The following ARHGAP10 variants were observed in gnomAD, a reference collection of about 807,000 sequenced individuals.
The protein encoded by ARHGAP10 is rho GTPase-activating protein 10.
ARHGAP10 carries 87 observed loss-of-function variants against 108.6 expected under a neutral mutation model. The ratio of observed to expected loss-of-function variants is 0.80; its 90% CI spans 0.67 to 0.96. The LOEUF (loss-of-function observed/expected upper bound fraction) is 0.96. Among genes scored for constraint, ARHGAP10 ranks in the 40% least tolerant of loss-of-function variants. The pLI, the probability that ARHGAP10 is intolerant of heterozygous loss-of-function variation, is 0.00. For missense variants in ARHGAP10, 939 were observed against 954.5 expected, an observed-to-expected ratio of 0.98 and a Z score of 0.21; for synonymous variants, 347 against 341.1, an observed-to-expected ratio of 1.02 and a Z score of -0.19.
chr4:147,870,798 A>C (rs945841308), intron 7 of ARHGAP10, among the ~76,000 whole-genome samples: 1 of 152,210 alleles, frequency 6.6e-6, no homozygotes, highest in African/African-American at 2.4e-5. Context: ...AAGGAAATAC[A>C]GTGTGCAAAA....
chr4:147,909,804 G>T (rs762923118), intron 12 of ARHGAP10, 27 bp downstream of exon 12: 3 of 1,589,368 alleles, frequency 1.9e-6, no homozygotes, highest in Non-Finnish European at 2.6e-6. Flanking sequence ...AAAAATGATT[G>T]TATCCTCCTT....
intron 1 of ARHGAP10, among the ~76,000 whole-genome samples, chr4:147,816,270 C>T (rs1579077464): frequency 6.6e-6 from 1 of 151,960 alleles, no homozygotes; most frequent in East Asian, 1.9e-4. Flanking sequence ...CTCTCCAGTC[C>T]CCACATCACT....
At position 148,069,338 on chromosome 4, in the gene ARHGAP10, C is replaced by T. The variant is rs531286413; in HGVS notation, c.2273-2655C>T. On this transcript the variant is annotated intron_variant, in intron 22 of 22. Coordinates refer to ENST00000336498, the MANE Select transcript of ARHGAP10 (RefSeq NM_024605.4). ...TGGATGTTACAGGATCCCCCTTGGTCGCCTCTGTAAAGCAGTGACATCTCT... is the reference window on the plus strand; with the variant it reads ...TGGATGTTACAGGATCCCCCTTGGTTGCCTCTGTAAAGCAGTGACATCTCT... Among the ~76,000 whole-genome samples, 101 of 152,208 alleles carry T rather than the reference C, an allele frequency of 6.6e-4. 2 individuals are homozygous for T. The highest frequency in any genetic ancestry group is 6.8e-3 in the Middle Eastern group (2 of 294).
chr4:148,043,077 G>C (rs938300771), intron 19 of ARHGAP10, among the ~76,000 whole-genome samples: 1 of 152,114 alleles, frequency 6.6e-6, no homozygotes, highest in African/African-American at 2.4e-5. Context: ...AGGGAAATGG[G>C]CACCTAAAAC....
chr4:147,936,098 G>T (rs1737921583), intron 13 of ARHGAP10, among the ~76,000 whole-genome samples: 2 of 152,100 alleles, frequency 1.3e-5, no homozygotes, highest in South Asian at 4.1e-4. Flanking sequence ...TACCACTGAG[G>T]TCAAACTTTT....
intron 1 of ARHGAP10, among the ~76,000 whole-genome samples, chr4:147,801,694 T>C (rs1163802644): frequency 3.9e-5 from 6 of 152,184 alleles, no homozygotes; most frequent in Non-Finnish European, 8.8e-5. Flanking sequence ...ATAATGAAGG[T>C]TGGTGGCACC....
chr4:148,058,542 T>C (rs1729464307), intron 20 of ARHGAP10, among the ~76,000 whole-genome samples: 1 of 152,194 alleles, frequency 6.6e-6, no homozygotes, highest in African/African-American at 2.4e-5. Flanking sequence ...AGGAGTTCTC[T>C]GGTGATTGGT....
chr4:147,961,688 T>C (rs1739004062), intron 16 of ARHGAP10, among the ~76,000 whole-genome samples: 1 of 152,132 alleles, frequency 6.6e-6, no homozygotes. Context: ...CAGCTTCCTC[T>C]TTGTTTAACC....
At chr4:147,931,314 A>G (rs575139077) in intron 13 of ARHGAP10, among the ~76,000 whole-genome samples, 34 of 786 alleles carry the variant, frequency 0.043, no homozygotes, top group Non-Finnish European at 0.12. Context: ...ATTAAGAGAG[A>G]AAAAAAAAAA....
intron 20 of ARHGAP10, among the ~76,000 whole-genome samples, chr4:148,049,635 C>T (rs576318145): frequency 3.3e-5 from 5 of 152,094 alleles, no homozygotes; most frequent in East Asian, 1.9e-4. Flanking sequence ...ATTCCTTGTC[C>T]GTATTTCTGC....
chr4:147,791,371 C>G (rs377192088), intron 1 of ARHGAP10, among the ~76,000 whole-genome samples: 1 of 151,968 alleles, frequency 6.6e-6, no homozygotes, highest in African/African-American at 2.4e-5. Flanking sequence ...CTCAGCCTCC[C>G]GAAGTGCTGA....
chr4:147,983,091 A>G (rs1216555674), intron 18 of ARHGAP10, among the ~76,000 whole-genome samples: 1 of 151,672 alleles, frequency 6.6e-6, no homozygotes. Context: ...CATGTTGCCT[A>G]GCCTGGTCTT....
At chr4:147,931,313 GAAA>G (rs5862824) in intron 13 of ARHGAP10, among the ~76,000 whole-genome samples, 3 of 145,834 alleles carry the variant, frequency 2.1e-5, no homozygotes, top group East Asian at 4.0e-4. Flanking sequence ...TATTAAGAGA[GAAA>G]AAAAAAAAAA....
intron 14 of ARHGAP10, among the ~76,000 whole-genome samples, chr4:147,942,770 G>A (rs1355397766): frequency 1.3e-5 from 2 of 152,332 alleles, no homozygotes; most frequent in African/African-American, 2.4e-5. Flanking sequence ...TCCTCCATCC[G>A]GTGATGAGAG....
intron 19 of ARHGAP10, among the ~76,000 whole-genome samples, chr4:148,042,874 G>T (rs1413032785): frequency 1.3e-5 from 2 of 152,152 alleles, no homozygotes; most frequent in East Asian, 3.9e-4. Flanking sequence ...ACTGTGTGCA[G>T]GTTTTGTAAG....
chr4:148,050,563 C>T lies in ARHGAP10; in HGVS notation c.2027+3512C>T, dbSNP rs150058302. On this transcript the variant is annotated intron_variant, in intron 20 of 22. Coordinates refer to ENST00000336498, the MANE Select transcript of ARHGAP10 (RefSeq NM_024605.4). The stretch of plus-strand genomic sequence containing the variant: ...TAATTTTTTGTGTTTTTAGTAGAGA[C>T]GGGGTTTCACTGCGTTAGCCAGGAT... 4.1e-3 allele frequency among the ~76,000 whole-genome samples: 626 copies of T among 151,636 alleles called. 7 individuals are homozygous for T. In the East Asian group the frequency reaches 0.052, roughly 13 times the overall value.
At chr4:148,011,017 C>T (rs1218622637) in intron 18 of ARHGAP10, among the ~76,000 whole-genome samples, 1 of 152,156 alleles carries the variant, frequency 6.6e-6, no homozygotes, top group Non-Finnish European at 1.5e-5. Context: ...CTGAAGTGTA[C>T]AGGACAATTG....
At chr4:147,807,544 G>A (rs1731840836) in intron 1 of ARHGAP10, among the ~76,000 whole-genome samples, 1 of 151,720 alleles carries the variant, frequency 6.6e-6, no homozygotes, top group African/African-American at 2.4e-5. Context: ...AGTGACAGAA[G>A]GAATTGCCTT....
chr4:147,979,063 G>A (rs1248007628), intron 18 of ARHGAP10, among the ~76,000 whole-genome samples: 1 of 151,976 alleles, frequency 6.6e-6, no homozygotes, highest in East Asian at 1.9e-4. Flanking sequence ...TTTAGATTAA[G>A]TCCCGTTTGT....
Sources: gnomAD v4.1 joint callset for allele counts (sites outside exome capture counted in the v4.1 genomes callset) on GRCh38, gnomAD v4.1.1 for gene constraint, MANE v1.5 for transcripts, NCBI Gene and HGNC (gene_info 2026-07-23, HGNC 2026-07-21) for gene names.